The following CYP4X1 variants were observed in gnomAD, a reference collection of about 807,000 sequenced individuals.
CYP4X1 encodes the protein cytochrome P450 4X1.
CYP4X1 carries 44 observed loss-of-function variants against 57.9 expected under a neutral mutation model. The ratio of observed to expected loss-of-function variants is 0.76; its 90% confidence interval spans 0.60 to 0.98. The LOEUF is 0.98. CYP4X1 is among the 50% of genes least tolerant of loss of function. The pLI, the probability that CYP4X1 is intolerant of heterozygous loss-of-function variation, is 0.00. For missense variants in CYP4X1, 532 were observed against 623.9 expected (o/e 0.85, Z 1.57); for synonymous variants, 227 against 228.6 (o/e 0.99, Z 0.06).
At chr1:46,967,796 G>T in the CYP4X1 span, 2 of 1,363,554 alleles carry the variant, frequency 1.5e-6, no homozygotes, top group African/African-American at 1.5e-5. Flanking sequence ...TCAGGCAGCA[G>T]CTCAAAGCGG....
chr1:47,026,121 A>G (rs1418401168), intron 1 of CYP4X1, among the ~76,000 whole-genome samples: 1 of 152,156 alleles, frequency 6.6e-6, no homozygotes, highest in Admixed American at 6.5e-5. Context: ...GGAGGTAGGG[A>G]AGGTTAATGG....
intron 3 of CYP4X1, 43 bp from the exon 4 acceptor site, chr1:47,033,198 T>C (rs1644141957): frequency 1.3e-6 from 2 of 1,596,806 alleles, no homozygotes; most frequent in South Asian, 2.3e-5. Flanking sequence ...CTTCATCTCA[T>C]CTAATTAAAT....
At chr1:46,971,504 T>C in the CYP4X1 span, among the ~76,000 whole-genome samples, 20 of 152,342 alleles carry the variant, frequency 1.3e-4, no homozygotes, top group East Asian at 1.2e-3. Context: ...CCAGATTGCT[T>C]TCCACAGTGG....
At chr1:47,031,384 A>G in intron 2 of CYP4X1, 52 bp from the exon 3 acceptor site, 1 of 1,600,672 alleles carries the variant, frequency 6.2e-7, no homozygotes, top group Non-Finnish European at 8.5e-7. Flanking sequence ...TTGAACTGAT[A>G]ATGAATGCTC....
the CYP4X1 span, among the ~76,000 whole-genome samples, chr1:46,998,177 GT>G: frequency 0.27 from 41,045 of 151,770 alleles, 5,898 homozygotes; most frequent in East Asian, 0.52. Context: ...CTGTTTGTTT[GT>G]TTTTTAGAAA....
chr1:46,984,071 C>T, the CYP4X1 span, among the ~76,000 whole-genome samples: 3 of 145,596 alleles, frequency 2.1e-5, no homozygotes, highest in East Asian at 4.2e-4. Flanking sequence ...GCAGCTCTGC[C>T]GAGCAGCTCT....
chr1:46,985,152 C>T, the CYP4X1 span, among the ~76,000 whole-genome samples: 16 of 152,256 alleles, frequency 1.1e-4, no homozygotes, highest in African/African-American at 3.9e-4. Context: ...CAGACTGCCT[C>T]TCTAGATTCC....
upstream of CYP4X1, among the ~76,000 whole-genome samples, chr1:47,019,406 T>C (rs56372579): frequency 3.9e-5 from 6 of 152,214 alleles, no homozygotes; most frequent in African/African-American, 1.4e-4. Flanking sequence ...CTTCATTATC[T>C]TGTCATGCTT....
chr1:46,992,614 A>G, the CYP4X1 span, among the ~76,000 whole-genome samples: 94 of 152,316 alleles, frequency 6.2e-4, no homozygotes, highest in African/African-American at 2.2e-3. Flanking sequence ...ATAATATTGT[A>G]TGTATATAGG....
At chr1:47,037,427 C>A (rs1016565714) in intron 6 of CYP4X1, among the ~76,000 whole-genome samples, 2 of 151,938 alleles carry the variant, frequency 1.3e-5, no homozygotes, top group African/African-American at 2.4e-5. Flanking sequence ...ACTGCCACCA[C>A]ACCTGGCTAA....
intron 1 of CYP4X1, among the ~76,000 whole-genome samples, chr1:47,027,385 A>G (rs1405064769): frequency 1.3e-5 from 2 of 152,194 alleles, no homozygotes; most frequent in Non-Finnish European, 2.9e-5. Context: ...CATAATAACT[A>G]CATATTTATG....
chr1:46,992,272 A>G, the CYP4X1 span, among the ~76,000 whole-genome samples: 4 of 152,256 alleles, frequency 2.6e-5, no homozygotes, highest in African/African-American at 9.6e-5. Context: ...ATAAAAATAG[A>G]CACTTTAACC....
At chr1:46,971,864 T>C in the CYP4X1 span, among the ~76,000 whole-genome samples, 3 of 152,326 alleles carry the variant, frequency 2.0e-5, no homozygotes, top group East Asian at 5.8e-4. Context: ...CTTGCAAATA[T>C]TTTCTCCTAT....
chr1:47,008,585 A>T, the CYP4X1 span, among the ~76,000 whole-genome samples: 1 of 152,162 alleles, frequency 6.6e-6, no homozygotes, highest in South Asian at 2.1e-4. Context: ...ATTAACCTTA[A>T]ATGTAAATGG....
At chr1:47,046,693 A>G in intron 9 of CYP4X1, 93 bp downstream of exon 9, 1 of 1,563,086 alleles carries the variant, frequency 6.4e-7, no homozygotes, top group Non-Finnish European at 8.7e-7. Flanking sequence ...GCACTTGGAG[A>G]AGTCAAAAGA....
the CYP4X1 span, among the ~76,000 whole-genome samples, chr1:46,964,218 T>A: frequency 1.3e-5 from 2 of 152,208 alleles, no homozygotes; most frequent in Non-Finnish European, 2.9e-5. Flanking sequence ...ATAAGTTTGA[T>A]CGTCTGAAGC....
At chr1:47,038,226 A>G (rs1188815395) in intron 6 of CYP4X1, among the ~76,000 whole-genome samples, 1 of 152,202 alleles carries the variant, frequency 6.6e-6, no homozygotes, top group African/African-American at 2.4e-5. Flanking sequence ...AATTTTTTAA[A>G]TAGTAAATAA....
At chr1:46,965,186 C>G in the CYP4X1 span, among the ~76,000 whole-genome samples, 2 of 152,240 alleles carry the variant, frequency 1.3e-5, no homozygotes, top group Admixed American at 6.5e-5. Context: ...CTTGCACTTC[C>G]CGGGTGAGGC....
the CYP4X1 span, among the ~76,000 whole-genome samples, chr1:46,999,332 C>T: frequency 6.6e-6 from 1 of 152,120 alleles, no homozygotes; most frequent in Non-Finnish European, 1.5e-5. Flanking sequence ...TTCCCACTTC[C>T]ACTAGGCTTT....
Sources: allele counts gnomAD v4.1 joint callset (sites outside exome capture counted in the v4.1 genomes callset), GRCh38; gene constraint gnomAD v4.1.1; transcripts MANE v1.5; gene names NCBI Gene and HGNC (gene_info 2026-07-23, HGNC 2026-07-21).